Variants in EVI2B observed in about 807,000 individuals in gnomAD.
EVI2B encodes ecotropic viral integration site 2B, also known as protein EVI2B.
In EVI2B, 4 loss-of-function variants were observed where a neutral mutation model predicts 6.6. That is an observed-to-expected ratio of 0.61 (90% CI 0.30 to 1.39). EVI2B has a LOEUF of 1.39. Among genes scored for constraint, EVI2B ranks in the 40% most tolerant of loss-of-function variants. EVI2B has a pLI of 0.08. For missense variants in EVI2B, 484 were observed against 516.6 expected (o/e 0.94, Z 0.61); for synonymous variants, 181 against 186.8 (o/e 0.97, Z 0.25).
At chr17:31,311,794 G>T (rs116987897) in intron 1 of EVI2B, among the ~76,000 whole-genome samples, 1 of 152,106 alleles carries the variant, frequency 6.6e-6, no homozygotes, top group African/African-American at 2.4e-5. Context: ...TGCCAGAACC[G>T]TTTCTTTCTA....
At position 31,305,618 on chromosome 17, in the gene EVI2B, A is replaced by G. The variant is rs749998773; in HGVS notation, c.-9T>C. The G allele has an allele frequency of 6.2e-7, 1 of 1,607,730 alleles. No homozygotes were observed. The highest frequency in any genetic ancestry group is 1.1e-5 in the South Asian group (1 of 90,332). ...AAATATTTGGGATCCATTTCAGAAT[A>G]TTTCCTCGTTATCTATAGCGGGTTT... On this transcript the variant is annotated 5_prime_UTR_variant, in exon 2 of 2. Coordinates refer to ENST00000330927, the MANE Select transcript of EVI2B (RefSeq NM_006495.4).
chr17:31,304,235 A>G lies in EVI2B; in HGVS notation c.*28T>C. 1.3e-6 allele frequency: 2 copies of G among 1,546,376 alleles called. No homozygotes were observed. Among genetic ancestry groups the G allele is most frequent in the South Asian group, 2.5e-5 (2 of 79,442 alleles). ...GAAAAAAGAGTCATTTGAGGATGGA[A>G]GATCAGCTAAAAAGCAAGTTGTAAT... On this transcript the variant is annotated 3_prime_UTR_variant, in exon 2 of 2. Transcript: ENST00000330927.
chr17:31,305,270 T>C lies in EVI2B; in HGVS notation c.340A>G (p.Asn114Asp). 1 of 1,614,144 alleles carries C rather than the reference T, an allele frequency of 6.2e-7. No individual in the cohort carries two copies. Among genetic ancestry groups the C allele is most frequent in the Non-Finnish European group, 8.5e-7 (1 of 1,180,020 alleles). The change falls in exon 2 of 2, where the codon AAC becomes GAC. Residue 114 changes from asparagine (N) to aspartate (D), a missense_variant. By Grantham distance (23) the Asn-to-Asp change is conservative. Transcript: ENST00000330927. ...AACACGGCTTGCTGGGAGGAGGTGT[T>C]GGCTATTGGTGTTGGTTGTTTGGTG... ...YNTKQPTPIA[N>D]TSSQQAVFTS...
In EVI2B at chr17:31,304,072, A is replaced by G. The variant is rs1382965323; in HGVS notation, c.*191T>C. 1 of 518,692 alleles carries G rather than the reference A, an allele frequency of 1.9e-6. No individual in the cohort carries two copies. The highest frequency in any genetic ancestry group is 3.2e-5 in the East Asian group (1 of 31,544). The allele number at this position is 518,692 out of a possible 1,614,324, so 32.1% of individuals were successfully genotyped here. A position where few individuals can be genotyped will look rare whatever the true frequency, so the allele number is the denominator to read the frequency against. ...TTTAAAGATAGGTACTATAATTAGT[A>G]AATAGATTACTGTTAAATAACTTTT... On this transcript the variant is annotated 3_prime_UTR_variant, in exon 2 of 2. Transcript: ENST00000330927.
intron 1 of EVI2B, among the ~76,000 whole-genome samples, chr17:31,313,722 A>ATG (rs60267436): frequency 0.031 from 4,340 of 138,968 alleles, 58 homozygotes; most frequent in Middle Eastern, 0.05. Flanking sequence ...AAAAAAAAAT[A>ATG]TGTGTGTGTG....
At chr17:31,311,671 G>A (rs1404808720) in intron 1 of EVI2B, among the ~76,000 whole-genome samples, 1 of 152,182 alleles carries the variant, frequency 6.6e-6, no homozygotes, top group Non-Finnish European at 1.5e-5. Context: ...AATTAGCTAG[G>A]TGGTGGTTTT....
intron 1 of EVI2B, chr17:31,308,037 C>T: frequency 1.6e-6 from 1 of 609,894 alleles, no homozygotes; most frequent in Non-Finnish European, 2.6e-6. Flanking sequence ...AACAGTTCTC[C>T]TTTGAACTCT....
rs1392768693 is a variant in EVI2B, at chr17:31,305,174, A to G, written c.436T>C (p.Phe146Leu). The change falls in exon 2 of 2, where the codon TTT (phenylalanine) becomes CTT (leucine). Residue 146 changes from phenylalanine to leucine, a missense_variant. Transcript: ENST00000330927. The stretch of plus-strand genomic sequence containing the variant: ...TGGACAGATGATGATTGTTGAGTAA[A>G]AGTATAGACAAATGACTTTGGTGGT... ...TQPPKSFVYT[F>L]TQQSSSVQIP... The G allele has an allele frequency of 1.9e-5, 30 of 1,614,018 alleles. No homozygotes were observed. The highest frequency in any genetic ancestry group is 2.3e-5 in the Non-Finnish European group (27 of 1,180,042).
At chr17:31,307,179 G>A (rs890717743) in intron 1 of EVI2B, among the ~76,000 whole-genome samples, 1 of 151,894 alleles carries the variant, frequency 6.6e-6, no homozygotes, top group African/African-American at 2.4e-5. Flanking sequence ...ACATCACCAC[G>A]CCTGGCCTAT....
At chr17:31,313,373 G>T (rs1214422666) in intron 1 of EVI2B, among the ~76,000 whole-genome samples, 1 of 152,084 alleles carries the variant, frequency 6.6e-6, no homozygotes, top group East Asian at 1.9e-4. Context: ...ATCTGCCATG[G>T]CTATAGTTTC....
chr17:31,310,616 A>G (rs2068845890), intron 1 of EVI2B, among the ~76,000 whole-genome samples: 1 of 152,124 alleles, frequency 6.6e-6, no homozygotes, highest in Non-Finnish European at 1.5e-5. Context: ...GTCTGCTGTG[A>G]GTATCCTTAC....
At chr17:31,308,723 A>G (rs555227174) in intron 1 of EVI2B, among the ~76,000 whole-genome samples, 3 of 152,146 alleles carry the variant, frequency 2.0e-5, no homozygotes, top group African/African-American at 7.2e-5. Context: ...ACCTCAGTTT[A>G]AATTCCCCTT....
At chr17:31,308,135 C>T (rs1341023971) in intron 1 of EVI2B, among the ~76,000 whole-genome samples, 5 of 151,812 alleles carry the variant, frequency 3.3e-5, no homozygotes, top group Non-Finnish European at 5.9e-5. Flanking sequence ...TAAGATAAAA[C>T]TTCCTTTTTC....
At chr17:31,308,504 C>G (rs1353514776) in intron 1 of EVI2B, among the ~76,000 whole-genome samples, 1 of 152,172 alleles carries the variant, frequency 6.6e-6, no homozygotes, top group African/African-American at 2.4e-5. Flanking sequence ...AGTCCAGATT[C>G]ACGTATCATG....
intron 1 of EVI2B, among the ~76,000 whole-genome samples, chr17:31,311,980 C>T (rs189653280): frequency 5.3e-5 from 8 of 151,988 alleles, no homozygotes; most frequent in Admixed American, 6.6e-5. Flanking sequence ...CCTGATTCTA[C>T]GAAAACTATT....
chr17:31,307,737 G>T, intron 1 of EVI2B: 2 of 441,322 alleles, frequency 4.5e-6, no homozygotes, highest in Non-Finnish European at 7.8e-6. Flanking sequence ...GCAACTATTT[G>T]GTTATCTCTT....
chr17:31,306,930 G>A (rs2068738909), intron 1 of EVI2B, among the ~76,000 whole-genome samples: 1 of 151,908 alleles, frequency 6.6e-6, no homozygotes, highest in African/African-American at 2.4e-5. Context: ...TGGGAGGATC[G>A]TTTGAGGCCA....
At chr17:31,308,116 A>AATT (rs1425084796) in intron 1 of EVI2B, among the ~76,000 whole-genome samples, 1 of 151,862 alleles carries the variant, frequency 6.6e-6, no homozygotes, top group Non-Finnish European at 1.5e-5. Flanking sequence ...TTGAGGGTTT[A>AATT]ATTTCTGTTA....
In EVI2B at chr17:31,308,097, C is replaced by T. The variant is rs2068772903; in HGVS notation, c.-21-2467G>A. ...AAAAGTGTGCATGATCAGGTTACTA[C>T]TGCCTTGCTTGAGGGTTTAATTTCT... On this transcript the variant is annotated intron_variant, in intron 1 of 1. Transcript: ENST00000330927. The T allele has an allele frequency of 1.4e-5, 4 of 282,372 alleles. No homozygotes were observed. In the Admixed American group the frequency reaches 1.6e-4, roughly 11 times the overall value. 17.5% of individuals were successfully genotyped at this position (282,372 alleles called of 1,614,324 possible).
Sources: gnomAD v4.1 joint callset for allele counts (sites outside exome capture counted in the v4.1 genomes callset) on GRCh38, gnomAD v4.1.1 for gene constraint, MANE v1.5 for transcripts, NCBI Gene and HGNC (gene_info 2026-07-23, HGNC 2026-07-21) for gene names.